The following NUP42 variants were observed in gnomAD, a reference collection of about 807,000 sequenced individuals.
The protein encoded by NUP42 is nucleoporin 42, also known as nucleoporin NUP42.
NUP42 carries 47 observed loss-of-function variants against 35.9 expected under a neutral mutation model. That is an observed-to-expected ratio of 1.31 (90% CI 1.04 to 1.67). The LOEUF (loss-of-function observed/expected upper bound fraction) is 1.67, where lower values mean the gene tolerates loss of function less well. Among genes scored for constraint, NUP42 ranks in the 40% most tolerant of loss-of-function variants. NUP42 has a pLI of 0.00. For synonymous variants in NUP42, 173 were observed against 173.3 expected, an observed-to-expected ratio of 1.00 and a Z score of 0.01; for missense variants, 514 against 492.2, an observed-to-expected ratio of 1.04 and a Z score of -0.42.
chr7:23,182,927 G>GAAAGAAAAGAAAAAAAGAAAT (rs1785466126), intron 1 of NUP42, among the ~76,000 whole-genome samples: 1 of 149,968 alleles, frequency 6.7e-6, no homozygotes, highest in Non-Finnish European at 1.5e-5. Context: ...AAAAAAGAAA[G>GAAAGAAAAGAAAAAAAGAAAT]AAAGAAAAGA....
chr7:23,193,679 C>T (rs888251142), intron 3 of NUP42, among the ~76,000 whole-genome samples: 5 of 152,258 alleles, frequency 3.3e-5, no homozygotes, highest in East Asian at 1.9e-4. Flanking sequence ...CCAGTGGATT[C>T]CACACCAGGG....
Position 23,182,062 on chromosome 7 carries a change from C to G in NUP42, c.-24C>G, listed in dbSNP as rs978003116. On this transcript the variant is annotated 5_prime_UTR_variant, in exon 1 of 7. Transcript: ENST00000258742. ...CATCGAACGGTGCAGACTGAAGACG[C>G]CCTCCGTCAGCGACGCCGTCGCAAT... 30 of 1,612,704 alleles carry G rather than the reference C, an allele frequency of 1.9e-5. No individual in the cohort carries two copies. The highest frequency in any genetic ancestry group is 2.4e-5 in the Non-Finnish European group (28 of 1,179,900).
At chr7:23,190,120 AT>A (rs1225779757) in intron 3 of NUP42, among the ~76,000 whole-genome samples, 8 of 152,332 alleles carry the variant, frequency 5.3e-5, no homozygotes, top group Middle Eastern at 3.4e-3. Context: ...GCTTGAGTCT[AT>A]GTTATAGTTA....
intron 3 of NUP42, among the ~76,000 whole-genome samples, chr7:23,193,431 C>T (rs1285065108): frequency 6.6e-6 from 1 of 152,124 alleles, no homozygotes; most frequent in Non-Finnish European, 1.5e-5. Context: ...TCCAAGTCCC[C>T]ACTAGATTAG....
intron 3 of NUP42, chr7:23,194,463 C>G (rs987145292): frequency 6.7e-6 from 1 of 150,248 alleles, no homozygotes; most frequent in Admixed American, 6.6e-5. Flanking sequence ...CGGGTTCAAG[C>G]GATTCTCCAG....
chr7:23,188,436 A>G (rs1043628910), intron 3 of NUP42: 1 of 985,434 alleles, frequency 1.0e-6, no homozygotes, highest in Non-Finnish European at 1.2e-6. Flanking sequence ...ACCACAAAGT[A>G]TTAAGCCCTT....
chr7:23,187,085 A>G lies in NUP42; in HGVS notation c.384A>G (p.Glu128=). ...TTGTAAAAGATATGGAGGTTTGGGA[A>G]TCATCAGGGCAGTGGATGTTTTCTG... ...EGIVKDMEVW[E]SSGQWMFSVY... is the part of the protein sequence containing the mutation. The change falls in exon 3 of 7, where the codon GAA becomes GAG. Residue 128 remains glutamate (E), a synonymous_variant. Coordinates refer to ENST00000258742, the MANE Select transcript of NUP42 (RefSeq NM_007342.3). 1 of 1,605,998 alleles carries G rather than the reference A, an allele frequency of 6.2e-7. No individual in the cohort carries two copies. Among genetic ancestry groups the G allele is most frequent in the Non-Finnish European group, 8.5e-7 (1 of 1,176,672 alleles).
At chr7:23,193,107 G>C (rs1374161388) in intron 3 of NUP42, among the ~76,000 whole-genome samples, 1 of 152,052 alleles carries the variant, frequency 6.6e-6, no homozygotes, top group East Asian at 1.9e-4. Context: ...CCTCCCAGTG[G>C]GTTCGTGGTC....
In NUP42 at chr7:23,200,145, T is replaced by TTTG. The variant is rs760484857; in HGVS notation, c.695-8_695-6dup. 1,334 of 1,443,806 alleles carry TTTG rather than the reference T, an allele frequency of 9.2e-4. 16 individuals are homozygous for TTTG. In the East Asian group the frequency reaches 0.027, roughly 30 times the overall value. The allele number at this position is 1,443,806 out of a possible 1,614,324, so 89.4% of individuals were successfully genotyped here. A position where few individuals can be genotyped will look rare whatever the true frequency, so the allele number is the denominator to read the frequency against. On this transcript the variant is annotated intron_variant, in intron 6 of 6. Transcript: ENST00000258742. ...ACCGTAATAGATTTTTGTTGTTTTT[T>TTTG]TTGTTGTTGTTGTTGTTTGTAGGCT...
At chr7:23,191,152 A>G (rs969751786) in intron 3 of NUP42, among the ~76,000 whole-genome samples, 1 of 152,230 alleles carries the variant, frequency 6.6e-6, no homozygotes, top group Admixed American at 6.5e-5. Context: ...GAGAGTAAAC[A>G]AGGGAAAGTA....
At position 23,195,959 on chromosome 7, in the gene NUP42, C is replaced by T. The variant is rs748212217; in HGVS notation, c.522+44C>T. On this transcript the variant is annotated intron_variant, in intron 4 of 6. Coordinates refer to ENST00000258742, the MANE Select transcript of NUP42 (RefSeq NM_007342.3). The stretch of plus-strand genomic sequence containing the variant: ...AATCTACTGCAATAACAGATGAGCT[C>T]TTAATTACTGCTTTCTTTATCGTGG... 1.2e-5 allele frequency: 14 copies of T among 1,193,380 alleles called. No homozygotes were observed. The Admixed American group carries it at 2.0e-4, about 17-fold the overall frequency. 73.9% of individuals were successfully genotyped at this position (1,193,380 alleles called of 1,614,324 possible).
chr7:23,185,134 T>G lies in NUP42; in HGVS notation c.186T>G (p.Ser62Arg), dbSNP rs1318657762. Residue 62 changes from serine (S) to arginine (R), a missense_variant, in exon 2 of 7, where the codon AGT becomes AGG. By Grantham distance (110) the Ser-to-Arg change is moderately radical. Coordinates refer to ENST00000258742, the MANE Select transcript of NUP42 (RefSeq NM_007342.3). ...ATTCCAATGTCATCCAGCCATCCAG[T>G]TTCTCCAAATCCACACCATGGGGGG... Reference protein sequence around the residue: ...QRYSNVIQPSSFSKSTPWGGS... With the variant: ...QRYSNVIQPSRFSKSTPWGGS... The G allele has an allele frequency of 6.2e-7, 1 of 1,614,162 alleles. No individual in the cohort carries two copies.
intron 1 of NUP42, among the ~76,000 whole-genome samples, chr7:23,183,748 G>A (rs1252682325): frequency 1.2e-4 from 9 of 75,936 alleles, no homozygotes; most frequent in Non-Finnish European, 2.0e-4. Flanking sequence ...AAGACCAAAA[G>A]CAATGTAAAA....
intron 3 of NUP42, among the ~76,000 whole-genome samples, chr7:23,191,481 C>G (rs913421266): frequency 6.6e-6 from 1 of 151,774 alleles, no homozygotes; most frequent in African/African-American, 2.4e-5. Flanking sequence ...AAAGAGAAAT[C>G]CAAGGTGATT....
intron 6 of NUP42, 37 bp from the exon 7 acceptor site, chr7:23,200,131 T>G (rs1440153063): frequency 4.4e-6 from 6 of 1,353,634 alleles, no homozygotes; most frequent in Non-Finnish European, 6.0e-6. Context: ...CCGTAATAGA[T>G]TTTTGTTGTT....
Position 23,187,476 on chromosome 7 carries a change from G to T in NUP42, c.445+330G>T, listed in dbSNP as rs1785632200. Reference sequence around the variant, plus strand: ...AAGAGTCATCCTGCCTGTCATTAAGGCCTTGGCTGCCTGGTTCTGTTCTTT... The same window carrying T: ...AAGAGTCATCCTGCCTGTCATTAAGTCCTTGGCTGCCTGGTTCTGTTCTTT... On this transcript the variant is annotated intron_variant, in intron 3 of 6. Transcript: ENST00000258742. 5 of 184,972 alleles carry T rather than the reference G, an allele frequency of 2.7e-5. No individual in the cohort carries two copies. In the South Asian group the frequency reaches 6.1e-4, roughly 23 times the overall value. 11.5% of individuals were successfully genotyped at this position (184,972 alleles called of 1,614,324 possible).
intron 5 of NUP42, 38 bp from the exon 6 acceptor site, chr7:23,199,420 A>G (rs1035611145): frequency 6.6e-7 from 1 of 1,518,028 alleles, no homozygotes; most frequent in Admixed American, 1.7e-5. Flanking sequence ...AGCACTATTC[A>G]TCAAGCACTT....
chr7:23,188,680 A>G (rs1785687069), intron 3 of NUP42: 2 of 442,384 alleles, frequency 4.5e-6, no homozygotes, highest in African/African-American at 2.1e-5. Flanking sequence ...TATATCTGAA[A>G]TTCAAATTTA....
chr7:23,187,669 C>T (rs1011101441), intron 3 of NUP42, among the ~76,000 whole-genome samples: 5 of 143,726 alleles, frequency 3.5e-5, no homozygotes, highest in African/African-American at 1.1e-4. Context: ...TGCAGTGACG[C>T]GATCTCGGCT....
Sources: gnomAD v4.1 joint callset for allele counts (sites outside exome capture counted in the v4.1 genomes callset) on GRCh38, gnomAD v4.1.1 for gene constraint, MANE v1.5 for transcripts, NCBI Gene and HGNC (gene_info 2026-07-23, HGNC 2026-07-21) for gene names.